Variants in TMEM131L observed in about 807,000 individuals in gnomAD.
TMEM131L encodes the protein transmembrane 131 like, also known as transmembrane protein 131-like.
In TMEM131L, 54 loss-of-function variants were observed where a neutral mutation model predicts 192.2. The observed-to-expected ratio is 0.28, with a 90% CI of 0.23 to 0.35. TMEM131L has a LOEUF of 0.35. Ranked by LOEUF, TMEM131L falls within the 10% of genes least tolerant of loss-of-function variation. The pLI, the probability that TMEM131L is intolerant of heterozygous loss-of-function variation, is 1.00. For missense variants in TMEM131L, 1,888 were observed against 1,972.9 expected, an observed-to-expected ratio of 0.96 and a Z score of 0.82; for synonymous variants, 701 against 704.9, an observed-to-expected ratio of 0.99 and a Z score of 0.09.
chr4:153,499,177 C>G (rs2149972278), intron 3 of TMEM131L, among the ~76,000 whole-genome samples: 1 of 152,284 alleles, frequency 6.6e-6, no homozygotes, highest in South Asian at 2.1e-4. Flanking sequence ...TTTCAGGGCT[C>G]CGAGGCTGCG....
chr4:153,560,499 A>G (rs1728777365), intron 7 of TMEM131L, among the ~76,000 whole-genome samples: 1 of 152,256 alleles, frequency 6.6e-6, no homozygotes, highest in African/African-American at 2.4e-5. Context: ...TATAATTCAC[A>G]TACCACAAAA....
At chr4:153,466,554 C>G in intron 1 of TMEM131L, 33 bp downstream of exon 1, 1 of 1,290,458 alleles carries the variant, frequency 7.7e-7, no homozygotes, top group Non-Finnish European at 9.9e-7. Flanking sequence ...CGCTCTGCCT[C>G]TCCACCCCGC....
intron 7 of TMEM131L, among the ~76,000 whole-genome samples, chr4:153,563,185 A>C (rs2150531370): frequency 6.6e-6 from 1 of 152,330 alleles, no homozygotes; most frequent in South Asian, 2.1e-4. Context: ...TGACTCATCC[A>C]TCTGTGAAAT....
intron 25 of TMEM131L, among the ~76,000 whole-genome samples, chr4:153,607,221 A>T (rs545210859): frequency 6.6e-6 from 1 of 152,264 alleles, no homozygotes; most frequent in African/African-American, 2.4e-5. Flanking sequence ...ATAAACGCGT[A>T]TAATTGACAG....
chr4:153,552,905 T>A (rs1221089633), intron 4 of TMEM131L, among the ~76,000 whole-genome samples: 4 of 151,804 alleles, frequency 2.6e-5, no homozygotes, highest in African/African-American at 9.7e-5. Flanking sequence ...ATGTAAATAG[T>A]TATACTGTAT....
At chr4:153,562,391 C>T in intron 7 of TMEM131L, among the ~76,000 whole-genome samples, 1 of 152,090 alleles carries the variant, frequency 6.6e-6, no homozygotes, top group Non-Finnish European at 1.5e-5. Context: ...AAAATTTAAA[C>T]CTAAGAAATA....
rs1433214168 is a variant in TMEM131L, at chr4:153,635,351, G to C, written c.4418-81G>C. The C allele has an allele frequency of 2.2e-6, 3 of 1,391,608 alleles. No individual in the cohort carries two copies. The African/African-American group carries it at 4.3e-5, about 20-fold the overall frequency. 86.2% of individuals were successfully genotyped at this position (1,391,608 alleles called of 1,614,324 possible). A position where few individuals can be genotyped will look rare whatever the true frequency, so the allele number is the denominator to read the frequency against. On this transcript the variant is annotated intron_variant, in intron 33 of 34. Transcript: ENST00000409959. ...TAACTTGTCAGTATAGTGAGACCTT[G>C]AAAGCTTTTTTGCCTGAGAGTGAGA...
chr4:153,504,311 C>T lies in TMEM131L; in HGVS notation c.239+30423C>T, dbSNP rs375332397. On this transcript the variant is annotated intron_variant, in intron 3 of 34. Coordinates refer to ENST00000409959, the MANE Select transcript of TMEM131L (RefSeq NM_001131007.2). The stretch of plus-strand genomic sequence containing the variant: ...TTTTTTTTTTTTGGAGACAGAGTCT[C>T]GCCTGTTGCCCAGGCTGCAGTGCAG... Among the ~76,000 whole-genome samples the T allele has an allele frequency of 1.3e-4, 11 of 85,126 alleles. 1 individual carries two copies. The highest frequency in any genetic ancestry group is 9.6e-5 in the African/African-American group (2 of 20,832). 55.8% of individuals were successfully genotyped at this position (85,126 alleles called of 152,430 possible). A position where few individuals can be genotyped will look rare whatever the true frequency, so the allele number is the denominator to read the frequency against.
chr4:153,514,273 A>G (rs1464028958), intron 3 of TMEM131L, among the ~76,000 whole-genome samples: 1 of 152,250 alleles, frequency 6.6e-6, no homozygotes, highest in Admixed American at 6.5e-5. Flanking sequence ...TGTGAGGTCT[A>G]CACAATGCAC....
intron 3 of TMEM131L, among the ~76,000 whole-genome samples, chr4:153,518,762 A>C (rs1335214483): frequency 2.0e-5 from 3 of 152,214 alleles, no homozygotes. Flanking sequence ...CTTGGTGCTC[A>C]GGCTCTGTTT....
chr4:153,579,624 A>T (rs543663760), intron 7 of TMEM131L, among the ~76,000 whole-genome samples: 1 of 152,138 alleles, frequency 6.6e-6, no homozygotes, highest in East Asian at 1.9e-4. Flanking sequence ...AGCGCACATC[A>T]CCACGCCTGG....
intron 3 of TMEM131L, among the ~76,000 whole-genome samples, chr4:153,527,720 G>T (rs7660240): frequency 0.28 from 41,946 of 151,918 alleles, 5,930 homozygotes; most frequent in African/African-American, 0.33. Context: ...AGAATTTGGG[G>T]GTCTTTCGTG....
At chr4:153,602,849 C>T (rs1731942075) in intron 23 of TMEM131L, 122 bp downstream of exon 23, 19 of 841,804 alleles carry the variant, frequency 2.3e-5, no homozygotes, top group Admixed American at 7.0e-5. Context: ...ATTGTTACTG[C>T]TTCAAGAACT....
chr4:153,616,379 TTAA>T (rs1732978262), intron 26 of TMEM131L, among the ~76,000 whole-genome samples: 1 of 152,262 alleles, frequency 6.6e-6, no homozygotes, highest in Admixed American at 6.5e-5. Context: ...AAAATCATTC[TTAA>T]TAAGTACATT....
chr4:153,526,939 A>C (rs1471329418), intron 3 of TMEM131L, among the ~76,000 whole-genome samples: 1 of 152,008 alleles, frequency 6.6e-6, no homozygotes, highest in Non-Finnish European at 1.5e-5. Context: ...GGGCCTTGAG[A>C]GAGGGCCTGC....
At chr4:153,483,576 T>G (rs1191922161) in intron 3 of TMEM131L, among the ~76,000 whole-genome samples, 1 of 152,080 alleles carries the variant, frequency 6.6e-6, no homozygotes, top group East Asian at 1.9e-4. Flanking sequence ...GATGTGCACC[T>G]ATAGGCCCAG....
intron 3 of TMEM131L, among the ~76,000 whole-genome samples, chr4:153,504,124 G>GC (rs1197920850): frequency 6.6e-6 from 1 of 151,668 alleles, no homozygotes; most frequent in Non-Finnish European, 1.5e-5. Flanking sequence ...CCGCCACCAC[G>GC]CCCGGCTAAT....
chr4:153,582,434 T>TTG (rs1491498967), intron 9 of TMEM131L, among the ~76,000 whole-genome samples: 4 of 55,558 alleles, frequency 7.2e-5, no homozygotes, highest in Admixed American at 2.0e-4. Flanking sequence ...TTTTTTGTTG[T>TTG]TTTTTTTTTT....
At chr4:153,542,767 T>C (rs1452387480) in intron 3 of TMEM131L, among the ~76,000 whole-genome samples, 2 of 152,102 alleles carry the variant, frequency 1.3e-5, no homozygotes, top group African/African-American at 4.8e-5. Flanking sequence ...ATTCTTTTCA[T>C]GTAAGTAAGT....
Sources: gnomAD v4.1 joint callset for allele counts (sites outside exome capture counted in the v4.1 genomes callset) on GRCh38, gnomAD v4.1.1 for gene constraint, MANE v1.5 for transcripts, NCBI Gene and HGNC (gene_info 2026-07-23, HGNC 2026-07-21) for gene names.